The following ELAVL2 variants were observed in gnomAD, a reference collection of about 807,000 sequenced individuals.
The protein encoded by ELAVL2 is ELAV like RNA binding protein 2.
ELAVL2 carries 4 observed loss-of-function variants against 34.6 expected under a neutral mutation model. The observed-to-expected ratio is 0.12, with a 90% CI of 0.06 to 0.26. ELAVL2 has a LOEUF of 0.26. Among genes scored for constraint, ELAVL2 ranks in the 10% least tolerant of loss-of-function variants. ELAVL2 has a pLI of 1.00. For missense variants in ELAVL2, 432 were observed against 442.8 expected, an observed-to-expected ratio of 0.98 and a Z score of 0.22; for synonymous variants, 193 against 154.8, an observed-to-expected ratio of 1.25 and a Z score of -1.83.
At chr9:23,774,344 G>A (rs2057859405) in intron 1 of ELAVL2, among the ~76,000 whole-genome samples, 1 of 151,960 alleles carries the variant, frequency 6.6e-6, no homozygotes, top group East Asian at 1.9e-4. Context: ...GAGTCGTGTT[G>A]GGAGCCTTTT....
At chr9:23,779,284 A>G (rs975083581) in intron 1 of ELAVL2, 4 of 985,460 alleles carry the variant, frequency 4.1e-6, no homozygotes, top group Non-Finnish European at 4.8e-6. Context: ...GAATCCCATG[A>G]AAACCTGCTT....
intron 1 of ELAVL2, among the ~76,000 whole-genome samples, chr9:23,784,511 G>A (rs1393846314): frequency 6.6e-6 from 1 of 152,212 alleles, no homozygotes; most frequent in Non-Finnish European, 1.5e-5. Context: ...GTTGGGGGCA[G>A]TGGGACTGGT....
chr9:23,731,341 A>G (rs1411337982), intron 2 of ELAVL2, among the ~76,000 whole-genome samples: 3 of 86,372 alleles, frequency 3.5e-5, no homozygotes, highest in South Asian at 5.2e-4. Context: ...GCTGTTTAGG[A>G]AAAAAAAAAC....
intron 1 of ELAVL2, among the ~76,000 whole-genome samples, chr9:23,804,536 G>T (rs2061978020): frequency 1.3e-5 from 2 of 152,194 alleles, no homozygotes; most frequent in Admixed American, 1.3e-4. Flanking sequence ...CCCTACTGAT[G>T]AACATTCCAA....
At chr9:23,762,696 G>T (rs2055318873) in intron 1 of ELAVL2, among the ~76,000 whole-genome samples, 1 of 152,064 alleles carries the variant, frequency 6.6e-6, no homozygotes, top group African/African-American at 2.4e-5. Context: ...GTTATCCTAA[G>T]AGGTTCAATA....
intron 5 of ELAVL2, among the ~76,000 whole-genome samples, chr9:23,693,754 G>A (rs1401688351): frequency 2.0e-5 from 3 of 152,178 alleles, no homozygotes; most frequent in African/African-American, 7.2e-5. Context: ...GAGGAAGTGC[G>A]AAAGCTCTGG....
the ELAVL2 span, chr9:23,849,646 A>G: frequency 6.6e-6 from 1 of 152,464 alleles, no homozygotes; most frequent in East Asian, 1.9e-4. Context: ...GCTTACTGCC[A>G]ACTCCCACCC....
chr9:23,724,007 G>T (rs2044425353), intron 3 of ELAVL2, among the ~76,000 whole-genome samples: 1 of 152,134 alleles, frequency 6.6e-6, no homozygotes, highest in Non-Finnish European at 1.5e-5. Context: ...TCCAATGGAG[G>T]TCTTCATAAA....
intron 1 of ELAVL2, among the ~76,000 whole-genome samples, chr9:23,802,045 T>G (rs2061627459): frequency 6.6e-6 from 1 of 152,214 alleles, no homozygotes; most frequent in Admixed American, 6.5e-5. Flanking sequence ...AGTGCAGATG[T>G]GTTCCACAAT....
At chr9:23,705,805 G>C (rs2039135429) in intron 3 of ELAVL2, among the ~76,000 whole-genome samples, 1 of 152,268 alleles carries the variant, frequency 6.6e-6, no homozygotes, top group Admixed American at 6.5e-5. Flanking sequence ...GTGTGCACTG[G>C]TTCCTAACAG....
chr9:23,830,626 C>CACACACACACACACACACACCT (rs1491521757), upstream of ELAVL2, among the ~76,000 whole-genome samples: 6 of 72,548 alleles, frequency 8.3e-5, no homozygotes, highest in South Asian at 3.9e-4. Flanking sequence ...ACACACACAC[C>CACACACACACACACACACACCT]TTTTTTTTTT....
At chr9:23,771,352 G>A (rs887367270) in intron 1 of ELAVL2, among the ~76,000 whole-genome samples, 3 of 151,966 alleles carry the variant, frequency 2.0e-5, no homozygotes, top group African/African-American at 4.8e-5. Flanking sequence ...TGGACACTAA[G>A]AACACAAGAT....
chr9:23,826,387 T>A (rs954715166), upstream of ELAVL2: 1 of 152,376 alleles, frequency 6.6e-6, no homozygotes, highest in African/African-American at 2.4e-5. Flanking sequence ...CGCCACAACG[T>A]AACTTGCTCA....
intron 4 of ELAVL2, among the ~76,000 whole-genome samples, chr9:23,702,899 GA>G (rs1161467142): frequency 4.3e-5 from 5 of 117,370 alleles, no homozygotes; most frequent in African/African-American, 1.6e-4. Flanking sequence ...CGCCTATTAA[GA>G]ATTAATAACC....
intron 3 of ELAVL2, among the ~76,000 whole-genome samples, chr9:23,715,726 T>C (rs996435684): frequency 5.3e-5 from 8 of 152,168 alleles, no homozygotes; most frequent in Non-Finnish European, 8.8e-5. Context: ...TAAGATATAA[T>C]TTGTGTAGTA....
At chr9:23,770,964 G>C (rs996121378) in intron 1 of ELAVL2, among the ~76,000 whole-genome samples, 2 of 152,310 alleles carry the variant, frequency 1.3e-5, no homozygotes, top group East Asian at 1.9e-4. Flanking sequence ...ATGAGTCTAA[G>C]AGGTAATGAG....
At chr9:23,779,270 A>G (rs765964181) in intron 1 of ELAVL2, 1 of 985,452 alleles carries the variant, frequency 1.0e-6, no homozygotes, top group Non-Finnish European at 1.2e-6. Flanking sequence ...GGTTTACCCC[A>G]GTAGAATCCC....
At chr9:23,758,563 A>T (rs937048171) in intron 2 of ELAVL2, among the ~76,000 whole-genome samples, 1 of 152,110 alleles carries the variant, frequency 6.6e-6, no homozygotes, top group Non-Finnish European at 1.5e-5. Context: ...TTATTATCAT[A>T]TATGTTTCTT....
intron 2 of ELAVL2, among the ~76,000 whole-genome samples, chr9:23,752,936 C>A (rs914770949): frequency 6.6e-6 from 1 of 152,104 alleles, no homozygotes; most frequent in Non-Finnish European, 1.5e-5. Flanking sequence ...GTTTTAACTG[C>A]GAATCTGTTT....
Sources: allele counts gnomAD v4.1 joint callset (sites outside exome capture counted in the v4.1 genomes callset), GRCh38; gene constraint gnomAD v4.1.1; transcripts MANE v1.5; gene names NCBI Gene and HGNC (gene_info 2026-07-23, HGNC 2026-07-21).